Variants in NBEAL1 observed in about 807,000 individuals in gnomAD.
NBEAL1 encodes the protein neurobeachin like 1.
Under a neutral mutation model 351.3 loss-of-function variants are expected in NBEAL1, and 273 were observed. The ratio of observed to expected loss-of-function variants is 0.78; its 90% CI spans 0.70 to 0.86. The LOEUF (loss-of-function observed/expected upper bound fraction) is 0.86. Among genes scored for constraint, NBEAL1 ranks in the 40% least tolerant of loss-of-function variants. The probability of loss-of-function intolerance (pLI) is 0.00; values close to 1 mark genes in which losing one functional copy is unlikely to be tolerated. For synonymous variants in NBEAL1, 1,050 were observed against 1,086.4 expected, an observed-to-expected ratio of 0.97 and a Z score of 0.66; for missense variants, 2,961 against 3,201.3, an observed-to-expected ratio of 0.92 and a Z score of 1.81.
intron 18 of NBEAL1, among the ~76,000 whole-genome samples, chr2:203,119,198 A>C (rs1196812131): frequency 6.7e-6 from 1 of 150,032 alleles, no homozygotes; most frequent in Non-Finnish European, 1.5e-5. Flanking sequence ...ACAGGGTATC[A>C]CTCCCATTAC....
chr2:203,175,364 G>C, intron 42 of NBEAL1, 77 bp downstream of exon 42: 1 of 1,386,884 alleles, frequency 7.2e-7, no homozygotes, highest in South Asian at 1.3e-5. Context: ...GTCATGTACT[G>C]TGTAACATGT....
At chr2:203,183,414 G>A in intron 44 of NBEAL1, 26 bp downstream of exon 44, 1 of 1,251,992 alleles carries the variant, frequency 8.0e-7, no homozygotes, top group Non-Finnish European at 1.1e-6. Flanking sequence ...TTAGTTATTT[G>A]ACAGAATAAT....
chr2:203,169,765 A>G lies in NBEAL1; in HGVS notation c.6016A>G (p.Ser2006Gly). Residue 2006 changes from serine (S) to glycine (G), a missense_variant, in exon 39 of 56, where the codon AGC becomes GGC. Transcript: ENST00000683969. ...TTTATAGGTTAGAAACAAAATATAT[A>G]GCCGACTGTTGTCACTTCATTCCCC... is the stretch of plus-strand genomic sequence containing the variant. ...FKKEVRNKIY[S>G]RLLSLHSPNS... 6.2e-7 allele frequency: 1 copy of G among 1,605,490 alleles called. No individual in the cohort carries two copies. The highest frequency in any genetic ancestry group is 8.5e-7 in the Non-Finnish European group (1 of 1,176,010).
At chr2:203,076,843 C>T (rs1334238376) in intron 7 of NBEAL1, among the ~76,000 whole-genome samples, 3 of 151,576 alleles carry the variant, frequency 2.0e-5, no homozygotes, top group East Asian at 2.0e-4. Context: ...CCGCCTGCCT[C>T]GGCCTCCCAA....
chr2:203,209,430 A>C, intron 53 of NBEAL1, 108 bp downstream of exon 53: 1 of 849,478 alleles, frequency 1.2e-6, no homozygotes, highest in Non-Finnish European at 1.8e-6. Flanking sequence ...TATTTTAAAG[A>C]TGATGTTTTT....
At chr2:203,204,254 A>C (rs542340092) in intron 51 of NBEAL1, among the ~76,000 whole-genome samples, 14 of 151,014 alleles carry the variant, frequency 9.3e-5, no homozygotes, top group East Asian at 7.7e-4. Context: ...TAAAAAAAAA[A>C]AACAACTCCA....
chr2:203,095,034 G>A (rs2062151672), intron 10 of NBEAL1, among the ~76,000 whole-genome samples: 1 of 152,042 alleles, frequency 6.6e-6, no homozygotes. Flanking sequence ...TGAGGCAGGA[G>A]AATTGATTGA....
chr2:203,195,133 G>T (rs1377005841), intron 47 of NBEAL1, among the ~76,000 whole-genome samples: 1 of 151,238 alleles, frequency 6.6e-6, no homozygotes, highest in East Asian at 1.9e-4. Flanking sequence ...GGCAGAGCTT[G>T]CAGTGAGCCG....
At chr2:203,079,338 T>C (rs2061832808) in intron 8 of NBEAL1, among the ~76,000 whole-genome samples, 1 of 152,184 alleles carries the variant, frequency 6.6e-6, no homozygotes, top group Non-Finnish European at 1.5e-5. Flanking sequence ...CACTTCAGAC[T>C]CCCAAAGTGC....
intron 52 of NBEAL1, 85 bp from the exon 53 acceptor site, chr2:203,209,076 T>C: frequency 9.0e-7 from 1 of 1,112,962 alleles, no homozygotes; most frequent in Non-Finnish European, 1.3e-6. Flanking sequence ...TTCCCACATT[T>C]CTTTATCTGG....
chr2:203,202,334 A>G (rs777074652), intron 50 of NBEAL1, among the ~76,000 whole-genome samples: 2 of 152,202 alleles, frequency 1.3e-5, no homozygotes, highest in Admixed American at 6.5e-5. Context: ...ACAATTCCCA[A>G]TGGGAGTAGA....
chr2:203,130,196 A>G, intron 24 of NBEAL1, 122 bp from the exon 25 acceptor site: 1 of 923,368 alleles, frequency 1.1e-6, no homozygotes, highest in Non-Finnish European at 1.5e-6. Flanking sequence ...CATATCAGAT[A>G]TAGTGAAGTT....
chr2:203,147,344 T>G (rs1210404409), intron 33 of NBEAL1, among the ~76,000 whole-genome samples: 1 of 152,120 alleles, frequency 6.6e-6, no homozygotes, highest in Non-Finnish European at 1.5e-5. Context: ...TACACAAAAT[T>G]TAATCATATT....
chr2:203,110,114 A>T, intron 14 of NBEAL1, 36 bp from the exon 15 acceptor site: 4 of 1,530,846 alleles, frequency 2.6e-6, no homozygotes, highest in Non-Finnish European at 3.5e-6. Flanking sequence ...CTGAACAACC[A>T]ACTTTAAAAG....
At chr2:203,173,935 T>TGAACAATAAGA (rs1424681891) in intron 41 of NBEAL1, among the ~76,000 whole-genome samples, 14 of 152,126 alleles carry the variant, frequency 9.2e-5, no homozygotes, top group African/African-American at 3.4e-4. Context: ...GTTTATGGCC[T>TGAACAATAAGA]ACAAAAATCT....
rs2061072836 is a variant in NBEAL1 at position 203,038,314 on chromosome 2, A to G, written c.52-3451A>G. 8.1e-5 allele frequency among the ~76,000 whole-genome samples: 12 copies of G among 149,046 alleles called. 3 individuals are homozygous for G. In the South Asian group the frequency reaches 2.5e-3, roughly 31 times the overall value. ...CTTTTCTAAGTGGTGATCCTATTTC[A>G]TACTGCCACCAGTAATGTATGAGAG... On this transcript the variant is annotated intron_variant, in intron 2 of 55. Transcript: ENST00000683969.
intron 41 of NBEAL1, among the ~76,000 whole-genome samples, chr2:203,174,216 CAAAA>C (rs10652390): frequency 1.6e-4 from 4 of 24,612 alleles, no homozygotes; most frequent in African/African-American, 4.2e-4. Flanking sequence ...TTTATACTAG[CAAAA>C]AAAAAAAAAA....
chr2:203,030,877 T>C (rs2060939504), intron 2 of NBEAL1, among the ~76,000 whole-genome samples: 1 of 152,142 alleles, frequency 6.6e-6, no homozygotes, highest in Non-Finnish European at 1.5e-5. Flanking sequence ...TAGCCAGGCA[T>C]GGTGGTGCAT....
chr2:203,222,313 C>T lies in NBEAL1; in HGVS notation c.*4959C>T, dbSNP rs913795296. ...GATATGTAGGCACTGCTTTGGACTT[C>T]ATGAATCTCTTTGCTTGATATTCTT... On this transcript the variant is annotated 3_prime_UTR_variant, in exon 56 of 56. Coordinates refer to ENST00000683969, the MANE Select transcript of NBEAL1 (RefSeq NM_001378026.1). Among the ~76,000 whole-genome samples, 9 of 152,034 alleles carry T rather than the reference C, an allele frequency of 5.9e-5. No individual in the cohort carries two copies. The highest frequency in any genetic ancestry group is 2.2e-4 in the African/African-American group (9 of 41,386).
Sources: gnomAD v4.1 joint callset for allele counts (sites outside exome capture counted in the v4.1 genomes callset) on GRCh38, gnomAD v4.1.1 for gene constraint, MANE v1.5 for transcripts, NCBI Gene and HGNC (gene_info 2026-07-23, HGNC 2026-07-21) for gene names.